The following EPB41L4B variants were observed in gnomAD, a reference collection of about 807,000 sequenced individuals.
EPB41L4B encodes erythrocyte membrane protein band 4.1 like 4B.
Under a neutral mutation model 112.5 loss-of-function variants are expected in EPB41L4B, and 30 were observed. That is an observed-to-expected ratio of 0.27 (90% CI 0.20 to 0.36). The LOEUF (loss-of-function observed/expected upper bound fraction) is 0.36, where lower values mean the gene tolerates loss of function less well. EPB41L4B is among the 10% of genes least tolerant of loss of function. The probability of loss-of-function intolerance (pLI) is 1.00; values close to 1 mark genes in which losing one functional copy is unlikely to be tolerated. For missense variants in EPB41L4B, 1,024 were observed against 1,133.3 expected, an observed-to-expected ratio of 0.90 and a Z score of 1.38; for synonymous variants, 408 against 439.7, an observed-to-expected ratio of 0.93 and a Z score of 0.90.
intron 24 of EPB41L4B, among the ~76,000 whole-genome samples, chr9:109,178,067 G>A (rs113123513): frequency 0.058 from 8,822 of 151,616 alleles, 399 homozygotes; most frequent in Admixed American, 0.13. Flanking sequence ...CTACAGGTGC[G>A]TGCCATGCCT....
At chr9:109,195,656 T>A (rs993197739) in intron 20 of EPB41L4B, among the ~76,000 whole-genome samples, 10 of 152,354 alleles carry the variant, frequency 6.6e-5, no homozygotes, top group Non-Finnish European at 1.5e-4. Context: ...TTGTTCAAGT[T>A]CGCAAAGCTA....
chr9:109,198,015 T>G (rs540228354), intron 20 of EPB41L4B, among the ~76,000 whole-genome samples: 4 of 152,316 alleles, frequency 2.6e-5, no homozygotes, highest in African/African-American at 7.2e-5. Flanking sequence ...AAGCAAACTG[T>G]CATGGCTTAA....
At position 109,249,434 on chromosome 9, in the gene EPB41L4B, G is replaced by A. The variant is rs1422553594; in HGVS notation, c.1311-1645C>T. On this transcript the variant is annotated intron_variant, in intron 13 of 25. Transcript: ENST00000374566. ...ACAGGCTGTGAAGAGCAATTGAACA[G>A]CTGCGAACAGCAGTTATTAGCTCAT... 3.7e-5 allele frequency among the ~76,000 whole-genome samples: 3 copies of A among 81,918 alleles called. No homozygotes were observed. The Admixed American group carries it at 4.3e-4, about 12-fold the overall frequency. 53.7% of individuals were successfully genotyped at this position (81,918 alleles called of 152,430 possible).
intron 2 of EPB41L4B, among the ~76,000 whole-genome samples, chr9:109,272,042 C>T (rs950303571): frequency 1.1e-4 from 16 of 152,198 alleles, no homozygotes; most frequent in Non-Finnish European, 2.1e-4. Flanking sequence ...CTCAGAGCAG[C>T]TCAGGAGTTG....
Position 109,203,656 on chromosome 9 carries a change from A to G in EPB41L4B, c.1946+7T>C. On this transcript the variant is annotated splice_region_variant and intron_variant, in intron 19 of 25. Coordinates refer to ENST00000374566, the MANE Select transcript of EPB41L4B (RefSeq NM_019114.5). ...TCATTTCCCCATTCAGACAAGGAGC[A>G]ACAGACCTTACACTAGCGTCCTGAA... 1 of 1,608,750 alleles carries G rather than the reference A, an allele frequency of 6.2e-7. No individual in the cohort carries two copies.
At chr9:109,247,622 T>A (rs1381776551) in intron 14 of EPB41L4B, 134 bp downstream of exon 14, 2 of 568,262 alleles carry the variant, frequency 3.5e-6, no homozygotes, top group Non-Finnish European at 5.5e-6. Context: ...ATTGTTATTA[T>A]TTTCTCAAAA....
intron 1 of EPB41L4B, among the ~76,000 whole-genome samples, chr9:109,313,917 C>A (rs1016229035): frequency 6.6e-6 from 1 of 152,300 alleles, no homozygotes; most frequent in Middle Eastern, 3.4e-3. Flanking sequence ...CAGATGAATG[C>A]GCACCCCTAT....
At chr9:109,271,807 T>C (rs1472933149) in intron 2 of EPB41L4B, among the ~76,000 whole-genome samples, 1 of 152,186 alleles carries the variant, frequency 6.6e-6, no homozygotes. Flanking sequence ...TGGCAGGACA[T>C]TTCACTCAAA....
chr9:109,272,360 G>A (rs1835656114), intron 2 of EPB41L4B, among the ~76,000 whole-genome samples: 1 of 152,176 alleles, frequency 6.6e-6, no homozygotes, highest in South Asian at 2.1e-4. Context: ...TGCTGAGGAG[G>A]CTGAGGTGGG....
At chr9:109,175,325 T>C (rs938674540) in intron 25 of EPB41L4B, among the ~76,000 whole-genome samples, 7 of 152,284 alleles carry the variant, frequency 4.6e-5, no homozygotes, top group Non-Finnish European at 1.0e-4. Context: ...GATGAATATC[T>C]GAGGGAATGT....
At chr9:109,252,662 C>T (rs1834833027) in intron 12 of EPB41L4B, among the ~76,000 whole-genome samples, 1 of 152,128 alleles carries the variant, frequency 6.6e-6, no homozygotes, top group South Asian at 2.1e-4. Context: ...GGAGTGGCCA[C>T]AAGGAAATCA....
chr9:109,313,452 T>C (rs911627035), intron 1 of EPB41L4B, among the ~76,000 whole-genome samples: 4 of 152,226 alleles, frequency 2.6e-5, no homozygotes, highest in African/African-American at 9.6e-5. Context: ...ACCAGGATGC[T>C]GCCCGGCTCC....
intron 1 of EPB41L4B, 62 bp from the exon 2 acceptor site, chr9:109,279,983 G>T: frequency 7.5e-7 from 1 of 1,328,928 alleles, no homozygotes. Flanking sequence ...GAAAAAAAAG[G>T]TTAAAAAAAA....
At chr9:109,207,180 T>A (rs901543285) in intron 18 of EPB41L4B, among the ~76,000 whole-genome samples, 4 of 152,272 alleles carry the variant, frequency 2.6e-5, no homozygotes, top group African/African-American at 9.6e-5. Flanking sequence ...GCATCTCTGT[T>A]CCCTCAGCTA....
chr9:109,200,142 C>T (rs568322011), intron 20 of EPB41L4B, 94 bp downstream of exon 20: 9 of 1,023,892 alleles, frequency 8.8e-6, no homozygotes, highest in African/African-American at 1.6e-5. Context: ...GGGGCTGCTC[C>T]CTGGGACTAG....
At chr9:109,177,591 G>A (rs991830279) in intron 24 of EPB41L4B, among the ~76,000 whole-genome samples, 32 of 152,264 alleles carry the variant, frequency 2.1e-4, no homozygotes, top group African/African-American at 7.7e-4. Flanking sequence ...GGAGGTCGAG[G>A]TGGGTGGATC....
At chr9:109,245,199 T>C (rs763819005) in intron 14 of EPB41L4B, among the ~76,000 whole-genome samples, 4 of 152,222 alleles carry the variant, frequency 2.6e-5, no homozygotes, top group Admixed American at 1.3e-4. Context: ...AGTCTAACTG[T>C]TCCAGGTGTT....
At chr9:109,223,834 C>T (rs566433433) in intron 15 of EPB41L4B, among the ~76,000 whole-genome samples, 1 of 152,216 alleles carries the variant, frequency 6.6e-6, no homozygotes, top group South Asian at 2.1e-4. Flanking sequence ...GCTTGGCCAA[C>T]ATGGCGAAGC....
chr9:109,181,297 T>C (rs1832042922), intron 24 of EPB41L4B, among the ~76,000 whole-genome samples: 1 of 152,170 alleles, frequency 6.6e-6, no homozygotes, highest in South Asian at 2.1e-4. Flanking sequence ...CCACTGTGCC[T>C]AGCCTTGGCA....
Sources: allele counts gnomAD v4.1 joint callset (sites outside exome capture counted in the v4.1 genomes callset), GRCh38; gene constraint gnomAD v4.1.1; transcripts MANE v1.5; gene names NCBI Gene and HGNC (gene_info 2026-07-23, HGNC 2026-07-21).